The following CAST variants were observed in gnomAD, a reference collection of about 807,000 sequenced individuals.
CAST encodes the protein calpastatin, also known as MIR583 host.
A neutral mutation model predicts 119.6 loss-of-function variants in CAST; 76 were observed. The ratio of observed to expected loss-of-function variants is 0.64; its 90% CI spans 0.53 to 0.77. The LOEUF (loss-of-function observed/expected upper bound fraction) is 0.77. Among genes scored for constraint, CAST ranks in the 30% least tolerant of loss-of-function variants. The probability of loss-of-function intolerance (pLI) is 0.00; values close to 1 mark genes in which losing one functional copy is unlikely to be tolerated. For synonymous variants in CAST, 319 were observed against 331.6 expected (o/e 0.96, Z 0.41); for missense variants, 953 against 946.5 (o/e 1.01, Z -0.09).
At chr5:96,581,279 A>G (rs972369810) in intron 1 of CAST, among the ~76,000 whole-genome samples, 5 of 152,072 alleles carry the variant, frequency 3.3e-5, no homozygotes, top group African/African-American at 1.2e-4. Context: ...CACAGATAAC[A>G]AACAAACATA....
At position 96,738,571 on chromosome 5, in the gene CAST, C is replaced by T. The variant is rs143817286; in HGVS notation, c.798+624C>T. 1.3e-4 allele frequency among the ~76,000 whole-genome samples: 20 copies of T among 152,034 alleles called. 1 individual carries two copies. The highest frequency in any genetic ancestry group is 8.3e-4 in the South Asian group (4 of 4,806). On this transcript the variant is annotated intron_variant, in intron 11 of 31. Coordinates refer to ENST00000675179, the MANE Select transcript of CAST (RefSeq NM_001750.7). ...TGGACTAGAACTTGTTTTGATTTCT[C>T]GATATTTACCACCCTCAGTTTATCC... is the stretch of plus-strand genomic sequence containing the variant.
rs937452556 is a variant in CAST, at chr5:96,736,071, G to C, written c.631-101G>C. On this transcript the variant is annotated intron_variant, in intron 9 of 31. Transcript: ENST00000675179. ...GCTGTAGAGCGGATGTTCAGTGTAT[G>C]ATCAATGCTTGTTAATATAATGAAT... 4 of 710,170 alleles carry C rather than the reference G, an allele frequency of 5.6e-6. No homozygotes were observed. The Admixed American group carries it at 9.7e-5, about 17-fold the overall frequency. 44.0% of individuals were successfully genotyped at this position (710,170 alleles called of 1,614,324 possible). A position where few individuals can be genotyped will look rare whatever the true frequency, so the allele number is the denominator to read the frequency against.
chr5:96,639,256 T>C (rs2150203022), intron 1 of CAST, among the ~76,000 whole-genome samples: 1 of 152,254 alleles, frequency 6.6e-6, no homozygotes, highest in African/African-American at 2.4e-5. Context: ...AGCCACATGA[T>C]CCTAGGAAGA....
At chr5:96,730,904 T>C in intron 9 of CAST, 44 bp downstream of exon 9, 1 of 1,409,928 alleles carries the variant, frequency 7.1e-7, no homozygotes, top group Non-Finnish European at 1.0e-6. Flanking sequence ...TCTGTGCTTC[T>C]CAAGTTTCTT....
intron 28 of CAST, 65 bp downstream of exon 28, chr5:96,767,547 AT>A: frequency 7.7e-7 from 1 of 1,306,256 alleles, no homozygotes; most frequent in Non-Finnish European, 1.1e-6. Flanking sequence ...GGTATTTGGC[AT>A]TTTAGAAAAC....
At chr5:96,606,881 T>C (rs1443015722) in intron 1 of CAST, among the ~76,000 whole-genome samples, 1 of 152,164 alleles carries the variant, frequency 6.6e-6, no homozygotes, top group Non-Finnish European at 1.5e-5. Flanking sequence ...GTGTTAGAAA[T>C]GCAAAAGCCT....
At chr5:96,195,302 C>A in the CAST span, among the ~76,000 whole-genome samples, 1 of 152,166 alleles carries the variant, frequency 6.6e-6, no homozygotes, top group Non-Finnish European at 1.5e-5. Context: ...TATTTTCTAA[C>A]CCTGGCAAGG....
chr5:96,662,211 G>T (rs1035944803), upstream of CAST: 2 of 509,704 alleles, frequency 3.9e-6, no homozygotes, highest in African/African-American at 4.1e-5. Flanking sequence ...CAGGAGCCCG[G>T]GTCCCTCCGC....
chr5:96,019,100 A>T, the CAST span, among the ~76,000 whole-genome samples: 1 of 152,152 alleles, frequency 6.6e-6, no homozygotes, highest in African/African-American at 2.4e-5. Context: ...AGAAAAAGGG[A>T]GGGGGAAGGA....
the CAST span, among the ~76,000 whole-genome samples, chr5:96,063,779 A>G: frequency 6.6e-6 from 1 of 152,274 alleles, no homozygotes; most frequent in African/African-American, 2.4e-5. Flanking sequence ...CAATTTACAG[A>G]TGAGGAAATT....
chr5:96,067,737 A>G, the CAST span, among the ~76,000 whole-genome samples: 4 of 152,168 alleles, frequency 2.6e-5, no homozygotes, highest in African/African-American at 9.7e-5. Flanking sequence ...CTCTTGAAGT[A>G]ATGTGAGGTT....
At chr5:96,070,565 T>C in the CAST span, among the ~76,000 whole-genome samples, 1 of 152,196 alleles carries the variant, frequency 6.6e-6, no homozygotes, top group African/African-American at 2.4e-5. Flanking sequence ...CCAAGTTTTC[T>C]CATTTAGCAG....
the CAST span, among the ~76,000 whole-genome samples, chr5:96,374,918 G>A: frequency 2.4e-4 from 37 of 152,104 alleles, no homozygotes. Context: ...TAGCAGGGCT[G>A]TTTTCACTAA....
intron 16 of CAST, chr5:96,743,651 T>TTCC (rs1258053631): frequency 6.2e-7 from 1 of 1,613,378 alleles, no homozygotes; most frequent in African/African-American, 1.3e-5. Context: ...ATCTTCGACT[T>TTCC]TCTTGGAGGG....
chr5:96,281,674 G>A, the CAST span, among the ~76,000 whole-genome samples: 3 of 152,122 alleles, frequency 2.0e-5, no homozygotes, highest in Non-Finnish European at 4.4e-5. Context: ...GCAGATGCGC[G>A]AGGAGAGAAG....
At chr5:96,004,525 T>C in the CAST span, among the ~76,000 whole-genome samples, 1 of 152,194 alleles carries the variant, frequency 6.6e-6, no homozygotes, top group Non-Finnish European at 1.5e-5. Flanking sequence ...ATGCTGGTAA[T>C]TAAATGGGGA....
At chr5:96,105,221 CT>C in the CAST span, among the ~76,000 whole-genome samples, 3 of 151,890 alleles carry the variant, frequency 2.0e-5, no homozygotes, top group Non-Finnish European at 4.4e-5. Context: ...ATTGAATACC[CT>C]TTATTTCCTT....
the CAST span, among the ~76,000 whole-genome samples, chr5:96,186,015 T>C: frequency 6.6e-6 from 1 of 152,188 alleles, no homozygotes; most frequent in Non-Finnish European, 1.5e-5. Flanking sequence ...TTGTGTCCTG[T>C]CTGATTTCTT....
At chr5:96,271,232 G>C in the CAST span, among the ~76,000 whole-genome samples, 1 of 151,916 alleles carries the variant, frequency 6.6e-6, no homozygotes, top group Non-Finnish European at 1.5e-5. Context: ...ATTCAATGTA[G>C]AAATAGTAAA....
Sources: allele counts gnomAD v4.1 joint callset (sites outside exome capture counted in the v4.1 genomes callset), GRCh38; gene constraint gnomAD v4.1.1; transcripts MANE v1.5; gene names NCBI Gene and HGNC (gene_info 2026-07-23, HGNC 2026-07-21).